The following TTC27 variants were observed in gnomAD, a reference collection of about 807,000 sequenced individuals.
TTC27 encodes tetratricopeptide repeat protein 27.
A neutral mutation model predicts 115.9 loss-of-function variants in TTC27; 79 were observed. That is an observed-to-expected ratio of 0.68 (90% confidence interval 0.57 to 0.82). The LOEUF (loss-of-function observed/expected upper bound fraction) is 0.82, where lower values mean the gene tolerates loss of function less well. TTC27 is among the 40% of genes least tolerant of loss of function. TTC27 has a pLI of 0.00. For missense variants in TTC27, 1,054 were observed against 993.1 expected (o/e 1.06, Z -0.82); for synonymous variants, 401 against 356.0 (o/e 1.13, Z -1.42).
intron 13 of TTC27, among the ~76,000 whole-genome samples, 191 bp downstream of exon 13, chr2:32,758,710 T>A (rs1341884182): frequency 5.3e-5 from 8 of 152,226 alleles, no homozygotes; most frequent in East Asian, 3.9e-4. Flanking sequence ...AGGTTTTTTT[T>A]AATTCACTTT....
chr2:32,732,415 C>T (rs1020600880), intron 10 of TTC27, among the ~76,000 whole-genome samples: 3 of 152,116 alleles, frequency 2.0e-5, no homozygotes, highest in African/African-American at 7.2e-5. Flanking sequence ...GAGCTCATAC[C>T]ACAAGATATT....
At chr2:32,760,786 C>A (rs1207161621) in intron 13 of TTC27, among the ~76,000 whole-genome samples, 1 of 152,196 alleles carries the variant, frequency 6.6e-6, no homozygotes, top group Non-Finnish European at 1.5e-5. Flanking sequence ...GCAGTTAAAT[C>A]AGTGCCAGGT....
At chr2:32,710,908 G>T (rs562312507) in intron 10 of TTC27, among the ~76,000 whole-genome samples, 80 of 151,398 alleles carry the variant, frequency 5.3e-4, no homozygotes, top group African/African-American at 1.7e-3. Context: ...GAGGTTGGGA[G>T]TTCGAAACCA....
At position 32,812,550 on chromosome 2, in the gene TTC27, A is replaced by G. The variant is rs186794729; in HGVS notation, c.2243A>G (p.Asn748Ser). ...SKAYKCDTQS[N>S]CWEKDITSFK... ...GCATACAAGTGTGACACCCAGTCCA[A>G]TTGTTGGGAGAAAGATATTACATCA... Residue 748 changes from asparagine (N) to serine (S), a missense_variant, in exon 18 of 20, where the codon AAT becomes AGT. Transcript: ENST00000317907. The G allele has an allele frequency of 2.5e-5, 40 of 1,614,118 alleles. No individual in the cohort carries two copies. In the East Asian group the frequency reaches 4.7e-4, roughly 19 times the overall value.
chr2:32,790,981 C>T (rs903156762), intron 16 of TTC27, among the ~76,000 whole-genome samples: 7 of 152,160 alleles, frequency 4.6e-5, no homozygotes, highest in African/African-American at 1.7e-4. Context: ...TCTAGGACTT[C>T]CAGTACTATG....
chr2:32,805,154 G>A (rs1211248516), intron 16 of TTC27, among the ~76,000 whole-genome samples: 1 of 152,204 alleles, frequency 6.6e-6, no homozygotes, highest in African/African-American at 2.4e-5. Context: ...CTTTCCCTCG[G>A]TATGACCTGG....
rs144593091 is a variant in TTC27 at position 32,731,332 on chromosome 2, G to A, written c.1234-2496G>A. Among the ~76,000 whole-genome samples the A allele has an allele frequency of 7.4e-4, 113 of 152,098 alleles. 4 individuals carry two copies. In the East Asian group the frequency reaches 0.017, roughly 22 times the overall value. ...TTGAATTCCTGATCCGCCTGCCTCA[G>A]CCTCCCAAAATGCTGGGATTACAGG... On this transcript the variant is annotated intron_variant, in intron 10 of 19. Transcript: ENST00000317907.
intron 8 of TTC27, among the ~76,000 whole-genome samples, chr2:32,675,289 G>T (rs781143790): frequency 4.6e-5 from 7 of 152,046 alleles, no homozygotes; most frequent in Non-Finnish European, 7.4e-5. Flanking sequence ...TGTTATTTTG[G>T]CAAGTTCATA....
chr2:32,811,205 C>G lies in TTC27; in HGVS notation c.2180C>G (p.Pro727Arg), dbSNP rs764606131. 9 of 1,613,666 alleles carry G rather than the reference C, an allele frequency of 5.6e-6. No individual in the cohort carries two copies. In the East Asian group the frequency reaches 2.0e-4, roughly 36 times the overall value. ...TATGGAAATGGGCAGAGTGAAAAGCCTGATGAAAATGAAAAGGCAAGTCCT... is the reference window on the plus strand; with the variant it reads ...TATGGAAATGGGCAGAGTGAAAAGCGTGATGAAAATGAAAAGGCAAGTCCT... ...HVYGNGQSEKPDENEKAFQCL... is the reference protein window; with the variant it reads ...HVYGNGQSEKRDENEKAFQCL... Residue 727 changes from proline (P) to arginine (R), a missense_variant, in exon 17 of 20, where the codon CCT (proline) becomes CGT (arginine). Pro to Arg is a moderately radical substitution (Grantham distance 103, BLOSUM62 -2). Coordinates refer to ENST00000317907, the MANE Select transcript of TTC27 (RefSeq NM_017735.5).
At chr2:32,727,284 C>T (rs911695983) in intron 10 of TTC27, among the ~76,000 whole-genome samples, 1 of 152,304 alleles carries the variant, frequency 6.6e-6, no homozygotes, top group South Asian at 2.1e-4. Context: ...AATGTGTCCA[C>T]ATTGGGAAGA....
chr2:32,769,817 T>C (rs1252529398), intron 13 of TTC27, among the ~76,000 whole-genome samples: 2 of 152,318 alleles, frequency 1.3e-5, no homozygotes, highest in East Asian at 3.9e-4. Flanking sequence ...TTGAGGGGGA[T>C]ACAGGAGAAT....
chr2:32,633,571 C>T (rs1335538211), intron 2 of TTC27, among the ~76,000 whole-genome samples: 2 of 151,906 alleles, frequency 1.3e-5, no homozygotes, highest in African/African-American at 4.8e-5. Flanking sequence ...TGCCGGCTAA[C>T]TTTTAATTTT....
chr2:32,672,502 G>T lies in TTC27; in HGVS notation c.1052+118G>T, dbSNP rs989590219. On this transcript the variant is annotated intron_variant, in intron 8 of 19. Coordinates refer to ENST00000317907, the MANE Select transcript of TTC27 (RefSeq NM_017735.5). Reference sequence around the variant, plus strand: ...CTGGATGAATAGGGAATTTTGTAGTGCTTATGAAGATCAGAGGAAATACTT... The same window carrying T: ...CTGGATGAATAGGGAATTTTGTAGTTCTTATGAAGATCAGAGGAAATACTT... The T allele has an allele frequency of 8.8e-6, 6 of 683,114 alleles. No individual in the cohort carries two copies. The South Asian group carries it at 1.0e-4, about 12-fold the overall frequency. 42.3% of individuals were successfully genotyped at this position (683,114 alleles called of 1,614,324 possible). A position where few individuals can be genotyped will look rare whatever the true frequency, so the allele number is the denominator to read the frequency against.
chr2:32,666,896 AG>A (rs1665799122), intron 7 of TTC27, 128 bp downstream of exon 7: 1 of 1,145,630 alleles, frequency 8.7e-7, no homozygotes, highest in Non-Finnish European at 1.2e-6. Flanking sequence ...TGCCTTTTAA[AG>A]GTTGCTGAGT....
At chr2:32,653,418 AC>A (rs1425492165) in intron 5 of TTC27, among the ~76,000 whole-genome samples, 1 of 152,072 alleles carries the variant, frequency 6.6e-6, no homozygotes, top group Non-Finnish European at 1.5e-5. Flanking sequence ...ACATGGTGAA[AC>A]CCTGTCTCTA....
chr2:32,763,530 G>GA (rs532817030), intron 13 of TTC27, among the ~76,000 whole-genome samples: 1 of 152,158 alleles, frequency 6.6e-6, no homozygotes, highest in South Asian at 2.1e-4. Flanking sequence ...GGGTTAGGGG[G>GA]AAAAAGGCTA....
At chr2:32,698,993 G>C (rs1667094123) in intron 9 of TTC27, among the ~76,000 whole-genome samples, 1 of 152,148 alleles carries the variant, frequency 6.6e-6, no homozygotes, top group South Asian at 2.1e-4. Context: ...CTATTAGGTG[G>C]ATTTTCATGA....
chr2:32,664,267 A>C, intron 5 of TTC27, 36 bp from the exon 6 acceptor site: 1 of 1,556,990 alleles, frequency 6.4e-7, no homozygotes, highest in Non-Finnish European at 8.7e-7. Flanking sequence ...TTTTCTTCTC[A>C]TCATAACTTT....
chr2:32,797,605 C>A (rs1670753358), intron 16 of TTC27, among the ~76,000 whole-genome samples: 1 of 152,132 alleles, frequency 6.6e-6, no homozygotes, highest in Admixed American at 6.6e-5. Flanking sequence ...TATACACATG[C>A]TAACTCAAAA....
Sources: gnomAD v4.1 joint callset for allele counts (sites outside exome capture counted in the v4.1 genomes callset) on GRCh38, gnomAD v4.1.1 for gene constraint, MANE v1.5 for transcripts, NCBI Gene and HGNC (gene_info 2026-07-23, HGNC 2026-07-21) for gene names.